The following KIRREL3 variants were observed in gnomAD, a reference collection of about 807,000 sequenced individuals.
KIRREL3 encodes kin of IRRE-like protein 3.
KIRREL3 carries 36 observed loss-of-function variants against 89.7 expected under a neutral mutation model. The observed-to-expected ratio is 0.40, with a 90% CI of 0.31 to 0.53. KIRREL3 has a LOEUF of 0.53. Ranked by LOEUF, KIRREL3 falls within the 20% of genes least tolerant of loss-of-function variation. The pLI is 0.49. For missense variants in KIRREL3, 864 were observed against 1,056.6 expected (o/e 0.82, Z 2.53); for synonymous variants, 445 against 441.4 (o/e 1.01, Z -0.10).
At position 126,883,054 on chromosome 11, in the gene KIRREL3, T is replaced by C. The variant is rs1945565396; in HGVS notation, c.55+117401A>G. Among the ~76,000 whole-genome samples the C allele has an allele frequency of 6.6e-6, 1 of 152,178 alleles. No homozygotes were observed. The highest frequency in any genetic ancestry group is 2.4e-5 in the African/African-American group (1 of 41,448). Reference sequence around the variant, plus strand: ...ATTCTTCCGTTGTAGCAAATATCATTGTAGTAAAAAGTAATACATCTCCTC... The same window carrying C: ...ATTCTTCCGTTGTAGCAAATATCATCGTAGTAAAAAGTAATACATCTCCTC... On this transcript the variant is annotated intron_variant, in intron 1 of 16. Transcript: ENST00000525144. The surrounding 1 kb of genome is among the most constrained non-coding windows in gnomAD (Gnocchi z 4.1).
chr11:126,855,802 C>G lies in KIRREL3; in HGVS notation c.55+144653G>C, dbSNP rs200875935. Among the ~76,000 whole-genome samples the G allele has an allele frequency of 2.0e-5, 3 of 152,306 alleles. No individual in the cohort carries two copies. In the East Asian group the frequency reaches 5.8e-4, roughly 29 times the overall value. ...CCAACCTATGACTCTAGGAGATGGT[C>G]TGTGCCCTTTTCCCTCCCACCACCA... is the stretch of plus-strand genomic sequence containing the variant. On this transcript the variant is annotated intron_variant, in intron 1 of 16. Transcript: ENST00000525144.
chr11:126,912,979 C>G lies in KIRREL3; in HGVS notation c.55+87476G>C, dbSNP rs1421419340. On this transcript the variant is annotated intron_variant, in intron 1 of 16. Transcript: ENST00000525144. This position sits in a 1 kb window ranked among gnomAD's most constrained non-coding sequence, Gnocchi z 4.7. ...AGAGAGGAAATGCCTTAAGGAACCA[C>G]GAGATCCCTTGAAGAGACTCAGCTG... is the stretch of plus-strand genomic sequence containing the variant. 6.6e-6 allele frequency among the ~76,000 whole-genome samples: 1 copy of G among 152,200 alleles called. No individual in the cohort carries two copies. The highest frequency in any genetic ancestry group is 1.5e-5 in the Non-Finnish European group (1 of 68,032).
intron 1 of KIRREL3, among the ~76,000 whole-genome samples, chr11:126,952,647 A>G (rs1948805595): frequency 1.3e-5 from 2 of 152,318 alleles, no homozygotes; most frequent in African/African-American, 4.8e-5. Flanking sequence ...GTCTTTGCCC[A>G]TGCCTATGTC....
At chr11:126,901,113 G>A (rs566637575) in intron 1 of KIRREL3, among the ~76,000 whole-genome samples, 1 of 150,750 alleles carries the variant, frequency 6.6e-6, no homozygotes, top group Non-Finnish European at 1.5e-5. Context: ...ACTCAGGAGG[G>A]TGAGACAGGA....
Position 126,948,795 on chromosome 11 carries a change from G to C in KIRREL3, c.55+51660C>G, listed in dbSNP as rs994859551. Among the ~76,000 whole-genome samples, 1 of 152,158 alleles carries C rather than the reference G, an allele frequency of 6.6e-6. No homozygotes were observed. ...TCCAGCAAGGCAGACAGCTGGATAT[G>C]GGGAGGAGTTCAGAAGCCAGGGAAA... On this transcript the variant is annotated intron_variant, in intron 1 of 16. Coordinates refer to ENST00000525144, the MANE Select transcript of KIRREL3 (RefSeq NM_032531.4). This position sits in a 1 kb window ranked among gnomAD's most constrained non-coding sequence, Gnocchi z 4.5.
chr11:126,705,959 C>T lies in KIRREL3; in HGVS notation c.56-143047G>A, dbSNP rs1472015942. On this transcript the variant is annotated intron_variant, in intron 1 of 16. Coordinates refer to ENST00000525144, the MANE Select transcript of KIRREL3 (RefSeq NM_032531.4). The surrounding 1 kb of genome is among the most constrained non-coding windows in gnomAD (Gnocchi z 4.3). ...CCCCTGTGCTGTGAGAAGCCTACCC[C>T]ACATGGAAATATACACAGAGGAAAA... 1.3e-5 allele frequency among the ~76,000 whole-genome samples: 2 copies of T among 152,174 alleles called. No homozygotes were observed. The highest frequency in any genetic ancestry group is 2.4e-5 in the African/African-American group (1 of 41,434).
intron 1 of KIRREL3, among the ~76,000 whole-genome samples, chr11:126,921,273 A>G (rs2134974079): frequency 6.6e-6 from 1 of 152,280 alleles, no homozygotes; most frequent in South Asian, 2.1e-4. Flanking sequence ...TTGGGCATGG[A>G]CTGAGCCACA....
At chr11:126,699,384 G>C (rs764183922) in intron 1 of KIRREL3, among the ~76,000 whole-genome samples, 3 of 152,202 alleles carry the variant, frequency 2.0e-5, no homozygotes, top group African/African-American at 4.8e-5. Context: ...GTGCAGTAAA[G>C]GCTGAATACA....
chr11:126,872,952 T>C lies in KIRREL3; in HGVS notation c.55+127503A>G, dbSNP rs1399092233. 6.6e-6 allele frequency among the ~76,000 whole-genome samples: 1 copy of C among 152,094 alleles called. No individual in the cohort carries two copies. Among genetic ancestry groups the C allele is most frequent in the Non-Finnish European group, 1.5e-5 (1 of 68,024 alleles). ...GGTCAAGTCCTTCTCCCATAATCAC[T>C]TGGATGGAAAATTAAAGCAGCCTGC... On this transcript the variant is annotated intron_variant, in intron 1 of 16. Transcript: ENST00000525144. The surrounding 1 kb of genome is among the most constrained non-coding windows in gnomAD (Gnocchi z 4.2).
rs1945985686 is a variant in KIRREL3, at chr11:126,892,979, T to A, written c.55+107476A>T. 6.6e-6 allele frequency among the ~76,000 whole-genome samples: 1 copy of A among 152,224 alleles called. No homozygotes were observed. Among genetic ancestry groups the A allele is most frequent in the South Asian group, 2.1e-4 (1 of 4,824 alleles). On this transcript the variant is annotated intron_variant, in intron 1 of 16. Coordinates refer to ENST00000525144, the MANE Select transcript of KIRREL3 (RefSeq NM_032531.4). This position sits in a 1 kb window ranked among gnomAD's most constrained non-coding sequence, Gnocchi z 5.4. ...GCCTGTGGGATAGGATTTCACTATATCCCTGCACAGCTGTTTTCATGCTGT... is the reference window on the plus strand; with the variant it reads ...GCCTGTGGGATAGGATTTCACTATAACCCTGCACAGCTGTTTTCATGCTGT...
intron 2 of KIRREL3, among the ~76,000 whole-genome samples, chr11:126,554,838 G>A (rs1021118398): frequency 2.6e-5 from 4 of 152,162 alleles, no homozygotes; most frequent in Non-Finnish European, 4.4e-5. Flanking sequence ...CTGTGCCCAT[G>A]AAAAGACTTC....
intron 1 of KIRREL3, among the ~76,000 whole-genome samples, chr11:126,910,229 C>G (rs1321494742): frequency 2.0e-5 from 3 of 152,034 alleles, no homozygotes; most frequent in African/African-American, 2.4e-5. Context: ...TTTGAGTGCT[C>G]AAGCAGTGGA....
Position 126,943,251 on chromosome 11 carries a change from C to T in KIRREL3, c.55+57204G>A, listed in dbSNP as rs1948513465. ...GCTCCCATGGTAAAACATTCACCGT[C>T]ATTCTTTCTCTCTTCTCACTCACTC... On this transcript the variant is annotated intron_variant, in intron 1 of 16. Transcript: ENST00000525144. The surrounding 1 kb of genome is among the most constrained non-coding windows in gnomAD (Gnocchi z 4.2). Among the ~76,000 whole-genome samples, 1 of 152,174 alleles carries T rather than the reference C, an allele frequency of 6.6e-6. No homozygotes were observed. Among genetic ancestry groups the T allele is most frequent in the African/African-American group, 2.4e-5 (1 of 41,432 alleles).
At position 126,710,049 on chromosome 11, in the gene KIRREL3, G is replaced by A. The variant is rs956818345; in HGVS notation, c.56-147137C>T. On this transcript the variant is annotated intron_variant, in intron 1 of 16. Transcript: ENST00000525144. This position sits in a 1 kb window ranked among gnomAD's most constrained non-coding sequence, Gnocchi z 4.2. ...AGAGATATAAGATCCAAAGTTCAGG[G>A]TGGAAAGAAATGTCCCTAGGAGACA... Among the ~76,000 whole-genome samples the A allele has an allele frequency of 6.6e-6, 1 of 152,218 alleles. No individual in the cohort carries two copies. Among genetic ancestry groups the A allele is most frequent in the African/African-American group, 2.4e-5 (1 of 41,458 alleles).
intron 1 of KIRREL3, among the ~76,000 whole-genome samples, chr11:126,878,995 C>T (rs996060051): frequency 2.0e-5 from 3 of 152,292 alleles, no homozygotes; most frequent in Middle Eastern, 3.4e-3. Flanking sequence ...ATATTAAAGA[C>T]GATCTCTCTC....
At chr11:126,695,339 C>T (rs1947046653) in intron 1 of KIRREL3, among the ~76,000 whole-genome samples, 1 of 148,324 alleles carries the variant, frequency 6.7e-6, no homozygotes, top group Non-Finnish European at 1.5e-5. Context: ...ATTCCTGGCC[C>T]AGTGCTTTTC....
In KIRREL3 at chr11:126,773,296, C is replaced by G. The variant is rs945929609; in HGVS notation, c.56-210384G>C. Among the ~76,000 whole-genome samples the G allele has an allele frequency of 1.3e-5, 2 of 152,150 alleles. No individual in the cohort carries two copies. Among genetic ancestry groups the G allele is most frequent in the Admixed American group, 1.3e-4 (2 of 15,284 alleles). On this transcript the variant is annotated intron_variant, in intron 1 of 16. Coordinates refer to ENST00000525144, the MANE Select transcript of KIRREL3 (RefSeq NM_032531.4). The surrounding 1 kb of genome is among the most constrained non-coding windows in gnomAD (Gnocchi z 4.2). Reference sequence around the variant, plus strand: ...TGAGTGAAGTCAATACAGTGTGGGTCGGCTTTGTCCCATCAGTTCAGGGCC... The same window carrying G: ...TGAGTGAAGTCAATACAGTGTGGGTGGGCTTTGTCCCATCAGTTCAGGGCC...
rs1363084423 is a variant in KIRREL3, at chr11:127,000,609, G to A, written c.-100C>T. On this transcript the variant is annotated 5_prime_UTR_variant, in exon 1 of 17. Transcript: ENST00000525144. This position sits in a 1 kb window ranked among gnomAD's most constrained non-coding sequence, Gnocchi z 7.1. ...GCTCAGCCTCCGCCGGTCCTCTCGG[G>A]TTCGCGCCTACCATCTGTCCGTCCG... 4 of 1,266,656 alleles carry A rather than the reference G, an allele frequency of 3.2e-6. No homozygotes were observed. The African/African-American group carries it at 4.5e-5, about 14-fold the overall frequency. The allele number at this position is 1,266,656 out of a possible 1,614,324, so 78.5% of individuals were successfully genotyped here. A position where few individuals can be genotyped will look rare whatever the true frequency, so the allele number is the denominator to read the frequency against.
chr11:126,439,645 C>T (rs992128595), intron 11 of KIRREL3, among the ~76,000 whole-genome samples: 20 of 151,114 alleles, frequency 1.3e-4, no homozygotes, highest in Non-Finnish European at 2.7e-4. Context: ...GGTGAGACCC[C>T]ATCTCTACTG....
Sources: allele counts gnomAD v4.1 joint callset (sites outside exome capture counted in the v4.1 genomes callset), GRCh38; gene constraint gnomAD v4.1.1; non-coding constraint Gnocchi (gnomAD v3.1); transcripts MANE v1.5; gene names NCBI Gene and HGNC (gene_info 2026-07-23, HGNC 2026-07-21).